GRB10: variants seen among roughly 807,000 people sequenced by gnomAD.
GRB10 encodes growth factor receptor bound protein 10, also known as growth factor receptor-bound protein 10.
A neutral mutation model predicts 80.9 loss-of-function variants in GRB10; 20 were observed. The ratio of observed to expected loss-of-function variants is 0.25; its 90% confidence interval spans 0.17 to 0.36. The LOEUF (loss-of-function observed/expected upper bound fraction) is 0.36. Among genes scored for constraint, GRB10 ranks in the 10% least tolerant of loss-of-function variants. The probability of loss-of-function intolerance (pLI) is 1.00; values close to 1 mark genes in which losing one functional copy is unlikely to be tolerated. For missense variants in GRB10, 548 were observed against 747.7 expected (o/e 0.73, Z 3.12); for synonymous variants, 291 against 291.5 (o/e 1.00, Z 0.02).
chr7:50,773,778 A>T (rs2077278242), intron 2 of GRB10, among the ~76,000 whole-genome samples: 1 of 152,218 alleles, frequency 6.6e-6, no homozygotes, highest in South Asian at 2.1e-4. Context: ...CAATACCCAA[A>T]AGGTAGAAAC....
intron 2 of GRB10, among the ~76,000 whole-genome samples, chr7:50,768,678 C>A (rs563156540): frequency 6.6e-6 from 1 of 152,266 alleles, no homozygotes; most frequent in South Asian, 2.1e-4. Context: ...TGGTCAAGAT[C>A]GTAGAATGAT....
chr7:50,661,235 G>C (rs1393220016), intron 7 of GRB10, among the ~76,000 whole-genome samples: 1 of 152,216 alleles, frequency 6.6e-6, no homozygotes, highest in Non-Finnish European at 1.5e-5. Context: ...AGCCTCAGGA[G>C]ACCTAATTTT....
intron 7 of GRB10, among the ~76,000 whole-genome samples, chr7:50,653,224 C>T (rs2058199940): frequency 6.6e-6 from 1 of 152,184 alleles, no homozygotes; most frequent in Non-Finnish European, 1.5e-5. Flanking sequence ...CCGTGGGCCC[C>T]AGTGCATGCT....
chr7:50,595,219 G>A (rs879498688), intron 18 of GRB10, among the ~76,000 whole-genome samples: 3 of 152,122 alleles, frequency 2.0e-5, no homozygotes, highest in Admixed American at 6.6e-5. Flanking sequence ...CTCAAGGGGG[G>A]CCTCAACACC....
At chr7:50,640,224 C>A (rs1301476089) in intron 7 of GRB10, among the ~76,000 whole-genome samples, 3 of 152,250 alleles carry the variant, frequency 2.0e-5, no homozygotes, top group Admixed American at 1.3e-4. Flanking sequence ...TCACACATGA[C>A]TCCTTGTTGG....
intron 3 of GRB10, among the ~76,000 whole-genome samples, chr7:50,742,262 C>T (rs542026382): frequency 0.19 from 2,389 of 12,394 alleles, 26 homozygotes; most frequent in Non-Finnish European, 0.26. Context: ...CACACGCGCA[C>T]GCGCGCGCGC....
At chr7:50,659,030 G>A (rs1036419151) in intron 7 of GRB10, among the ~76,000 whole-genome samples, 1 of 152,154 alleles carries the variant, frequency 6.6e-6, no homozygotes, top group African/African-American at 2.4e-5. Flanking sequence ...AAATAATCAT[G>A]GGCAATTTAG....
At chr7:50,674,397 A>G in intron 6 of GRB10, 39 bp downstream of exon 6, 1 of 1,582,178 alleles carries the variant, frequency 6.3e-7, no homozygotes, top group Non-Finnish European at 8.6e-7. Context: ...GACAGCTCTC[A>G]TCCTTGGAGA....
chr7:50,615,244 C>A (rs1478427612), intron 11 of GRB10, among the ~76,000 whole-genome samples: 2 of 152,174 alleles, frequency 1.3e-5, no homozygotes, highest in Non-Finnish European at 2.9e-5. Context: ...TGTTGTGAGT[C>A]CAGAGTCCAA....
chr7:50,650,041 C>A (rs1032150040), intron 7 of GRB10, among the ~76,000 whole-genome samples: 2 of 152,100 alleles, frequency 1.3e-5, no homozygotes, highest in African/African-American at 2.4e-5. Flanking sequence ...AGAGAGAAGA[C>A]CACTAGAGTG....
At chr7:50,708,084 T>C (rs1262537197) in intron 4 of GRB10, among the ~76,000 whole-genome samples, 2 of 152,250 alleles carry the variant, frequency 1.3e-5, no homozygotes, top group Non-Finnish European at 2.9e-5. Flanking sequence ...ATGTGGCAAA[T>C]ATTTCATGAG....
chr7:50,593,580 C>T (rs1420309674), intron 18 of GRB10, among the ~76,000 whole-genome samples: 5 of 152,146 alleles, frequency 3.3e-5, no homozygotes, highest in Non-Finnish European at 7.4e-5. Context: ...GATTAATAAG[C>T]TCACGCAGGT....
intron 13 of GRB10, 112 bp downstream of exon 13, chr7:50,612,629 C>T (rs2049764481): frequency 2.7e-6 from 2 of 737,526 alleles, no homozygotes; most frequent in Non-Finnish European, 4.9e-6. Context: ...AATATTGTGA[C>T]AGAACAGCGG....
chr7:50,642,769 G>C (rs1042556296), intron 7 of GRB10, among the ~76,000 whole-genome samples: 1 of 152,020 alleles, frequency 6.6e-6, no homozygotes, highest in Non-Finnish European at 1.5e-5. Flanking sequence ...ACACACACAC[G>C]CATAGACACA....
At chr7:50,615,844 A>T (rs1031821612) in intron 11 of GRB10, among the ~76,000 whole-genome samples, 1 of 152,310 alleles carries the variant, frequency 6.6e-6, no homozygotes, top group African/African-American at 2.4e-5. Context: ...ATAAAGTTAC[A>T]CTGGCATTAG....
intron 10 of GRB10, among the ~76,000 whole-genome samples, chr7:50,617,143 G>A (rs546344360): frequency 1.3e-5 from 2 of 152,318 alleles, no homozygotes; most frequent in African/African-American, 2.4e-5. Flanking sequence ...ACTGTTCACT[G>A]TGTATAGGTG....
In GRB10 at chr7:50,732,281, C is replaced by A. The variant is rs764199937; in HGVS notation, c.42G>T (p.Pro14=). Residue 14 remains proline, a synonymous_variant, in exon 4 of 19, where the codon CCG becomes CCT. Transcript: ENST00000401949. ...AGCPDSFLHH[P]YYQDKVEQTP... ...ATGTGCTCGCCCATACCTGGTAGTA[C>A]GGATGGTGCAAAAAGGAATCTGGGC... 1.2e-6 allele frequency: 2 copies of A among 1,613,896 alleles called. No individual in the cohort carries two copies. The highest frequency in any genetic ancestry group is 1.7e-6 in the Non-Finnish European group (2 of 1,179,936).
Position 50,614,945 on chromosome 7 carries a change from T to C in GRB10, c.985-65A>G, listed in dbSNP as rs1585708795. 7 of 987,862 alleles carry C rather than the reference T, an allele frequency of 7.1e-6. No individual in the cohort carries two copies. In the East Asian group the frequency reaches 1.7e-4, roughly 23 times the overall value. The allele number at this position is 987,862 out of a possible 1,614,324, so 61.2% of individuals were successfully genotyped here. ...AAAGAGCAAATGTGTTCACCTCTGG[T>C]AGACAGAGGGCAGTCTCTGCACACT... On this transcript the variant is annotated intron_variant, in intron 11 of 18. Transcript: ENST00000401949.
intron 5 of GRB10, among the ~76,000 whole-genome samples, chr7:50,693,020 C>T (rs1300293280): frequency 6.6e-6 from 1 of 152,154 alleles, no homozygotes; most frequent in Non-Finnish European, 1.5e-5. Flanking sequence ...GCCTCAAAGT[C>T]ATCATCAGCA....
Sources: gnomAD v4.1 joint callset for allele counts (sites outside exome capture counted in the v4.1 genomes callset) on GRCh38, gnomAD v4.1.1 for gene constraint, MANE v1.5 for transcripts, NCBI Gene and HGNC (gene_info 2026-07-23, HGNC 2026-07-21) for gene names.